The following EYS variants were observed in gnomAD, a reference collection of about 807,000 sequenced individuals.
EYS encodes the protein EGF-like photoreceptor maintenance factor, also known as protein eyes shut homolog.
A neutral mutation model predicts 282.1 loss-of-function variants in EYS; 250 were observed. That is an observed-to-expected ratio of 0.89 (90% CI 0.80 to 0.98). The LOEUF is 0.98. Ranked by LOEUF, EYS falls within the 50% of genes least tolerant of loss-of-function variation. EYS has a pLI of 0.00. For missense variants in EYS, 4,016 were observed against 3,709.0 expected, an observed-to-expected ratio of 1.08 and a Z score of -2.15; for synonymous variants, 1,355 against 1,282.9, an observed-to-expected ratio of 1.06 and a Z score of -1.20.
At chr6:63,873,856 G>A (rs1772886314) in intron 35 of EYS, among the ~76,000 whole-genome samples, 1 of 151,552 alleles carries the variant, frequency 6.6e-6, no homozygotes, top group Non-Finnish European at 1.5e-5. Flanking sequence ...ATTTTTTCTT[G>A]TAAATTTGTT....
At chr6:64,037,862 A>G (rs1389429742) in intron 33 of EYS, among the ~76,000 whole-genome samples, 1 of 152,196 alleles carries the variant, frequency 6.6e-6, no homozygotes, top group Non-Finnish European at 1.5e-5. Flanking sequence ...ATATTTTATT[A>G]GTTCAGATGA....
chr6:64,220,163 C>G (rs36051363), intron 31 of EYS, among the ~76,000 whole-genome samples: 2 of 152,038 alleles, frequency 1.3e-5, no homozygotes, highest in Non-Finnish European at 2.9e-5. Context: ...CACATGTACC[C>G]TAAAACTTAA....
At chr6:64,291,821 C>T (rs772185136) in intron 30 of EYS, among the ~76,000 whole-genome samples, 9 of 151,884 alleles carry the variant, frequency 5.9e-5, no homozygotes, top group South Asian at 2.1e-4. Flanking sequence ...GGATTTCTTA[C>T]GAAAAGTGTT....
At chr6:63,935,206 G>T (rs1160246817) in intron 35 of EYS, among the ~76,000 whole-genome samples, 3 of 152,192 alleles carry the variant, frequency 2.0e-5, no homozygotes, top group Admixed American at 6.5e-5. Context: ...GCAGGAGCTT[G>T]TCTGCCTTGT....
chr6:65,372,115 T>A (rs1363598587), intron 8 of EYS, among the ~76,000 whole-genome samples: 1 of 151,852 alleles, frequency 6.6e-6, no homozygotes, highest in African/African-American at 2.4e-5. Flanking sequence ...TGTTCTCTAA[T>A]GAAGCCTTAT....
At chr6:64,083,154 C>T (rs759810146) in intron 31 of EYS, among the ~76,000 whole-genome samples, 32 of 152,056 alleles carry the variant, frequency 2.1e-4, no homozygotes, top group African/African-American at 7.0e-4. Flanking sequence ...AGCAATCTGC[C>T]CACCTTGGCC....
intron 8 of EYS, among the ~76,000 whole-genome samples, chr6:65,364,524 A>T (rs1764837175): frequency 9.2e-6 from 1 of 108,442 alleles, no homozygotes; most frequent in Non-Finnish European, 2.0e-5. Flanking sequence ...AAAGAGATCA[A>T]ATTGGACTAT....
chr6:65,030,485 A>G (rs1772564342), intron 13 of EYS, among the ~76,000 whole-genome samples: 1 of 151,896 alleles, frequency 6.6e-6, no homozygotes, highest in Non-Finnish European at 1.5e-5. Context: ...TGTAGGCAGA[A>G]CTCACTGCAT....
At chr6:64,798,166 A>C (rs1255741920) in intron 22 of EYS, among the ~76,000 whole-genome samples, 2 of 151,920 alleles carry the variant, frequency 1.3e-5, no homozygotes, top group African/African-American at 4.8e-5. Flanking sequence ...ATAGTGTTTA[A>C]CTTGGAATGA....
At chr6:65,675,525 A>G (rs1459103478) in intron 1 of EYS, among the ~76,000 whole-genome samples, 5 of 151,936 alleles carry the variant, frequency 3.3e-5, no homozygotes, top group Non-Finnish European at 5.9e-5. Context: ...AAACAAAAAT[A>G]ACATCTTAGA....
chr6:64,922,314 A>G (rs1768371490), intron 15 of EYS, among the ~76,000 whole-genome samples: 1 of 152,218 alleles, frequency 6.6e-6, no homozygotes, highest in Non-Finnish European at 1.5e-5. Flanking sequence ...ACACATTCCC[A>G]CAAATACTAA....
At chr6:64,261,466 GT>G (rs1178681404) in intron 30 of EYS, among the ~76,000 whole-genome samples, 2 of 152,106 alleles carry the variant, frequency 1.3e-5, no homozygotes, top group East Asian at 1.9e-4. Context: ...TCTTATTTAT[GT>G]TTTTGTCTTA....
chr6:65,595,701 G>A (rs1765380394), intron 2 of EYS, among the ~76,000 whole-genome samples: 1 of 151,540 alleles, frequency 6.6e-6, no homozygotes, highest in Admixed American at 6.6e-5. Context: ...TTTGGGAAAT[G>A]TAAGAGAGAA....
chr6:64,071,795 G>A (rs942821989), intron 32 of EYS, among the ~76,000 whole-genome samples: 4 of 151,386 alleles, frequency 2.6e-5, no homozygotes, highest in African/African-American at 9.7e-5. Flanking sequence ...AAGGAGGAAT[G>A]ATTTGTATCA....
chr6:64,809,337 CT>C (rs1280050690), intron 22 of EYS, among the ~76,000 whole-genome samples: 1 of 151,824 alleles, frequency 6.6e-6, no homozygotes, highest in African/African-American at 2.4e-5. Context: ...AATAATATGG[CT>C]TTTTAAGTGG....
At chr6:63,733,348 A>C (rs1768826931) in intron 41 of EYS, among the ~76,000 whole-genome samples, 1 of 152,166 alleles carries the variant, frequency 6.6e-6, no homozygotes, top group Non-Finnish European at 1.5e-5. Context: ...GGTAAAGTGC[A>C]TGATGCTGAG....
intron 2 of EYS, among the ~76,000 whole-genome samples, chr6:65,555,667 A>G (rs1426804713): frequency 6.6e-6 from 1 of 152,138 alleles, no homozygotes; most frequent in Non-Finnish European, 1.5e-5. Flanking sequence ...TGTCTAGCCG[A>G]ATTTTGTTGG....
rs573317463 is a variant in EYS at position 65,144,337 on chromosome 6, A to G, written c.2024-86610T>C. Among the ~76,000 whole-genome samples the G allele has an allele frequency of 2.6e-5, 4 of 152,260 alleles. No individual in the cohort carries two copies. The East Asian group carries it at 7.8e-4, about 30-fold the overall frequency. On this transcript the variant is annotated intron_variant, in intron 12 of 42. Coordinates refer to ENST00000503581, the MANE Select transcript of EYS (RefSeq NM_001142800.2). ...CTCAAGTAAAGAGTACGGAAAAAGA[A>G]ACTATGTTAGAAGGTATTCTTATTG...
intron 12 of EYS, among the ~76,000 whole-genome samples, chr6:65,082,527 A>G (rs570488607): frequency 2.6e-5 from 4 of 152,076 alleles, no homozygotes; most frequent in Non-Finnish European, 5.9e-5. Flanking sequence ...TTTAGCAAAA[A>G]TCATAACATA....
Sources: gnomAD v4.1 joint callset for allele counts (sites outside exome capture counted in the v4.1 genomes callset) on GRCh38, gnomAD v4.1.1 for gene constraint, MANE v1.5 for transcripts, NCBI Gene and HGNC (gene_info 2026-07-23, HGNC 2026-07-21) for gene names.